TPCN1: variants seen among roughly 807,000 people sequenced by gnomAD.
The protein encoded by TPCN1 is two pore channel protein 1.
TPCN1 carries 52 observed loss-of-function variants against 108.8 expected under a neutral mutation model. That is an observed-to-expected ratio of 0.48 (90% CI 0.38 to 0.60). The LOEUF (loss-of-function observed/expected upper bound fraction) is 0.60, where lower values mean the gene tolerates loss of function less well. TPCN1 is among the 20% of genes least tolerant of loss of function. The pLI is 0.00. For synonymous variants in TPCN1, 446 were observed against 433.7 expected, an observed-to-expected ratio of 1.03 and a Z score of -0.35; for missense variants, 806 against 1,072.8, an observed-to-expected ratio of 0.75 and a Z score of 3.47.
chr12:113,280,855 C>T (rs1005580104), intron 15 of TPCN1, among the ~76,000 whole-genome samples: 3 of 152,106 alleles, frequency 2.0e-5, no homozygotes, highest in Non-Finnish European at 4.4e-5. Flanking sequence ...AGACACAATT[C>T]GAGGTGCTGG....
chr12:113,288,500 G>A lies in TPCN1; in HGVS notation c.1707-258G>A, dbSNP rs1033514415. 6.7e-7 allele frequency: 1 copy of A among 1,501,780 alleles called. No homozygotes were observed. Among genetic ancestry groups the A allele is most frequent in the Non-Finnish European group, 8.9e-7 (1 of 1,128,536 alleles). The allele number at this position is 1,501,780 out of a possible 1,614,324, so 93.0% of individuals were successfully genotyped here. Reference sequence around the variant, plus strand: ...ACCTGTGTCTACATTCACAGGTAAGGGGTCACCTGTGAGTCTACCTTCACA... The same window carrying A: ...ACCTGTGTCTACATTCACAGGTAAGAGGTCACCTGTGAGTCTACCTTCACA... On this transcript the variant is annotated intron_variant, in intron 20 of 27. Transcript: ENST00000335509. This position sits in a 1 kb window ranked among gnomAD's most constrained non-coding sequence, Gnocchi z 4.8.
At position 113,288,892 on chromosome 12, in the gene TPCN1, C is replaced by A. The variant is rs1465280154; in HGVS notation, c.1796+45C>A. On this transcript the variant is annotated intron_variant, in intron 21 of 27. Transcript: ENST00000335509. This position sits in a 1 kb window ranked among gnomAD's most constrained non-coding sequence, Gnocchi z 4.8. The stretch of plus-strand genomic sequence containing the variant: ...CCCCAGGCAGCCTGCATTTCCCGGG[C>A]AGAGGGCTGGCCAGGGCCAGGATTG... The A allele has an allele frequency of 1.3e-6, 2 of 1,596,462 alleles. No individual in the cohort carries two copies. The highest frequency in any genetic ancestry group is 2.2e-5 in the East Asian group (1 of 44,806).
At chr12:113,276,852 C>G (rs1454735543) in intron 10 of TPCN1, 67 bp from the exon 11 acceptor site, 1 of 1,064,958 alleles carries the variant, frequency 9.4e-7, no homozygotes, top group Non-Finnish European at 1.5e-6. Context: ...TGAACTCATA[C>G]CCCCCTGCAC....
chr12:113,244,545 T>C, intron 2 of TPCN1: 1 of 985,402 alleles, frequency 1.0e-6, no homozygotes, highest in Non-Finnish European at 1.2e-6. Flanking sequence ...TCTGGGGGCC[T>C]TTGAAGAGCC....
chr12:113,269,661 C>A lies in TPCN1; in HGVS notation c.660-96C>A. 9.5e-7 allele frequency: 1 copy of A among 1,048,694 alleles called. No homozygotes were observed. Among genetic ancestry groups the A allele is most frequent in the Non-Finnish European group, 1.4e-6 (1 of 699,404 alleles). The allele number at this position is 1,048,694 out of a possible 1,614,324, so 65.0% of individuals were successfully genotyped here. On this transcript the variant is annotated intron_variant, in intron 6 of 27. Transcript: ENST00000335509. This position sits in a 1 kb window ranked among gnomAD's most constrained non-coding sequence, Gnocchi z 5.0. ...CAGAGTGCGTCAGGGTTTAGTATTT[C>A]GAGTCAGAAGCACTAGGCCTCCATC... is the stretch of plus-strand genomic sequence containing the variant.
chr12:113,236,793 G>A (rs1953916244), intron 2 of TPCN1, among the ~76,000 whole-genome samples: 2 of 152,054 alleles, frequency 1.3e-5, no homozygotes. Context: ...GGCAGATGAT[G>A]TAACCTCTCT....
chr12:113,276,168 C>T (rs1055615806), intron 10 of TPCN1, among the ~76,000 whole-genome samples: 4 of 152,078 alleles, frequency 2.6e-5, no homozygotes, highest in Admixed American at 6.6e-5. Context: ...CAGTTGCTGT[C>T]GAACCCTTTA....
In TPCN1 at chr12:113,273,499, G is replaced by C; in HGVS notation, c.843-70G>C. The C allele has an allele frequency of 7.3e-7, 1 of 1,360,862 alleles. No homozygotes were observed. Among genetic ancestry groups the C allele is most frequent in the Non-Finnish European group, 1.1e-6 (1 of 949,710 alleles). 84.3% of individuals were successfully genotyped at this position (1,360,862 alleles called of 1,614,324 possible). The stretch of plus-strand genomic sequence containing the variant: ...GAAGGCAGACAAGGAGCTGTCCTCT[G>C]CAAGGCATGTGCTCTGAGAGGATGG... On this transcript the variant is annotated intron_variant, in intron 9 of 27. Transcript: ENST00000335509. This position sits in a 1 kb window ranked among gnomAD's most constrained non-coding sequence, Gnocchi z 4.0.
chr12:113,255,724 T>A (rs1954808539), intron 2 of TPCN1, among the ~76,000 whole-genome samples: 1 of 150,972 alleles, frequency 6.6e-6, no homozygotes, highest in African/African-American at 2.4e-5. Context: ...CGGGCGGGGT[T>A]TCACTATGTT....
intron 2 of TPCN1, among the ~76,000 whole-genome samples, chr12:113,251,810 G>C (rs561768100): frequency 1.3e-5 from 2 of 152,248 alleles, no homozygotes; most frequent in African/African-American, 4.8e-5. Context: ...AGGATTTTAA[G>C]TAGTGGAGTG....
intron 2 of TPCN1, among the ~76,000 whole-genome samples, chr12:113,229,250 A>G (rs566980651): frequency 2.0e-5 from 3 of 152,230 alleles, no homozygotes; most frequent in Admixed American, 6.5e-5. Flanking sequence ...TGTACAGCAC[A>G]TTAGTATCTT....
chr12:113,286,639 G>A (rs557454602), intron 18 of TPCN1, among the ~76,000 whole-genome samples: 12 of 152,322 alleles, frequency 7.9e-5, no homozygotes, highest in South Asian at 4.1e-4. Context: ...TCTGTTGAGC[G>A]GAAGACGAGG....
chr12:113,273,572 C>T lies in TPCN1; in HGVS notation c.846C>T (p.Phe282=). 6.2e-7 allele frequency: 1 copy of T among 1,613,568 alleles called. No individual in the cohort carries two copies. Among genetic ancestry groups the T allele is most frequent in the Non-Finnish European group, 8.5e-7 (1 of 1,179,462 alleles). Reference sequence around the variant, plus strand: ...GGGTCACCCTCTGCAAATACAGTTTCCCAGATGTGATGATGCCCTCCTACT... The same window carrying T: ...GGGTCACCCTCTGCAAATACAGTTTTCCAGATGTGATGATGCCCTCCTACT... ...SLFVLLTTAN[F]PDVMMPSYSR... is the part of the protein sequence containing the mutation. The change falls in exon 10 of 28, where the codon TTC becomes TTT. Residue 282 remains phenylalanine (F), a synonymous_variant. Coordinates refer to ENST00000335509, the MANE Select transcript of TPCN1 (RefSeq NM_017901.6). This position sits in a 1 kb window ranked among gnomAD's most constrained non-coding sequence, Gnocchi z 4.0.
intron 1 of TPCN1, among the ~76,000 whole-genome samples, chr12:113,221,846 C>T (rs943965075): frequency 4.6e-5 from 7 of 152,276 alleles, no homozygotes; most frequent in African/African-American, 1.2e-4. Flanking sequence ...TTAGGGCGAC[C>T]CTCACGTGGG....
chr12:113,242,882 G>T (rs1262283929), intron 2 of TPCN1, among the ~76,000 whole-genome samples: 1 of 152,096 alleles, frequency 6.6e-6, no homozygotes, highest in Admixed American at 6.5e-5. Context: ...TGTCATCCCA[G>T]CCCATTTTAG....
chr12:113,260,558 T>G, intron 3 of TPCN1, 66 bp downstream of exon 3: 1 of 1,519,294 alleles, frequency 6.6e-7, no homozygotes, highest in Non-Finnish European at 8.8e-7. Context: ...CAGCCAAGAC[T>G]CTGTTAGGTG....
Position 113,266,058 on chromosome 12 carries a change from G to T in TPCN1, c.238-122G>T. The T allele has an allele frequency of 9.4e-7, 1 of 1,063,498 alleles. No individual in the cohort carries two copies. The highest frequency in any genetic ancestry group is 1.4e-6 in the Non-Finnish European group (1 of 725,090). 65.9% of individuals were successfully genotyped at this position (1,063,498 alleles called of 1,614,324 possible). On this transcript the variant is annotated intron_variant, in intron 3 of 27. Coordinates refer to ENST00000335509, the MANE Select transcript of TPCN1 (RefSeq NM_017901.6). This position sits in a 1 kb window ranked among gnomAD's most constrained non-coding sequence, Gnocchi z 4.2. ...TCATTTTGATTTTCCAGCATCTTCT[G>T]TCTCTGGCCTGAATCTCTCCTCGCC...
intron 2 of TPCN1, among the ~76,000 whole-genome samples, chr12:113,229,461 T>TC (rs1953594327): frequency 6.6e-6 from 1 of 152,208 alleles, no homozygotes; most frequent in African/African-American, 2.4e-5. Context: ...TACCCCAGCG[T>TC]CCCCCTGTCC....
intron 2 of TPCN1, chr12:113,245,775 C>T (rs144813963): frequency 2.5e-5 from 9 of 353,850 alleles, no homozygotes; most frequent in Non-Finnish European, 3.9e-5. Flanking sequence ...TTTACGCAGC[C>T]GGGCTGCCCC....
Sources: gnomAD v4.1 joint callset for allele counts (sites outside exome capture counted in the v4.1 genomes callset) on GRCh38, gnomAD v4.1.1 for gene constraint, Gnocchi (gnomAD v3.1) non-coding constraint, MANE v1.5 for transcripts, NCBI Gene and HGNC (gene_info 2026-07-23, HGNC 2026-07-21) for gene names.